The following MBD2 variants were observed in gnomAD, a reference collection of about 807,000 sequenced individuals.
The protein encoded by MBD2 is methyl-CpG binding domain protein 2.
Under a neutral mutation model 39.3 loss-of-function variants are expected in MBD2, and 9 were observed. The ratio of observed to expected loss-of-function variants is 0.23; its 90% confidence interval spans 0.14 to 0.40. MBD2 has a LOEUF of 0.40. MBD2 is among the 10% of genes least tolerant of loss of function. MBD2 has a pLI of 1.00. For missense variants in MBD2, 458 were observed against 532.6 expected, an observed-to-expected ratio of 0.86 and a Z score of 1.38; for synonymous variants, 233 against 211.1, an observed-to-expected ratio of 1.10 and a Z score of -0.90.
intron 3 of MBD2, among the ~76,000 whole-genome samples, chr18:54,183,449 A>T (rs1410505796): frequency 6.6e-6 from 1 of 152,200 alleles, no homozygotes; most frequent in East Asian, 1.9e-4. Flanking sequence ...AAGGGGATTC[A>T]GAAAAAAAAG....
At chr18:54,214,878 G>A (rs755652948) in intron 1 of MBD2, among the ~76,000 whole-genome samples, 4 of 151,546 alleles carry the variant, frequency 2.6e-5, no homozygotes, top group African/African-American at 7.3e-5. Context: ...TAGCTGGGAC[G>A]ACAGGCGCCC....
At chr18:54,200,304 G>T (rs1226613884) in intron 2 of MBD2, among the ~76,000 whole-genome samples, 1 of 152,192 alleles carries the variant, frequency 6.6e-6, no homozygotes, top group Non-Finnish European at 1.5e-5. Flanking sequence ...TATGTCATAT[G>T]TCACATTAAA....
chr18:54,197,674 G>A (rs1432324274), intron 2 of MBD2, among the ~76,000 whole-genome samples: 1 of 152,160 alleles, frequency 6.6e-6, no homozygotes, highest in East Asian at 1.9e-4. Context: ...AGCAAAACCA[G>A]TCAATCCTAT....
chr18:54,159,959 A>T, intron 5 of MBD2, 56 bp from the exon 6 acceptor site: 1 of 1,565,098 alleles, frequency 6.4e-7, no homozygotes, highest in Non-Finnish European at 8.7e-7. Context: ...TGACAATATG[A>T]ATCTGCTACA....
At chr18:54,223,921 C>A in intron 1 of MBD2, 97 bp downstream of exon 1, 2 of 1,023,970 alleles carry the variant, frequency 2.0e-6, no homozygotes. Context: ...CTGCCACATG[C>A]CCCCCGGGCC....
intron 1 of MBD2, among the ~76,000 whole-genome samples, chr18:54,211,712 CTT>C (rs2086509287): frequency 6.6e-6 from 1 of 152,206 alleles, no homozygotes; most frequent in Non-Finnish European, 1.5e-5. Flanking sequence ...TTGCTCGTCT[CTT>C]TGCATTCTAC....
At chr18:54,214,021 T>TA (rs1356023152) in intron 1 of MBD2, among the ~76,000 whole-genome samples, 2 of 150,138 alleles carry the variant, frequency 1.3e-5, no homozygotes, top group African/African-American at 2.4e-5. Flanking sequence ...TTTTTTTTTT[T>TA]AACAACAAAC....
intron 1 of MBD2, among the ~76,000 whole-genome samples, chr18:54,216,888 C>T (rs1311199418): frequency 6.6e-6 from 1 of 152,056 alleles, no homozygotes; most frequent in Non-Finnish European, 1.5e-5. Context: ...TTCAGGAGTT[C>T]GAGACCAGCC....
intron 5 of MBD2, 66 bp downstream of exon 5, chr18:54,164,457 T>C: frequency 1.4e-6 from 2 of 1,447,260 alleles, no homozygotes; most frequent in Admixed American, 1.7e-5. Flanking sequence ...CTGAACCTAA[T>C]GAACAGTAAA....
chr18:54,185,360 A>G (rs547662020), intron 3 of MBD2, among the ~76,000 whole-genome samples: 5 of 152,326 alleles, frequency 3.3e-5, no homozygotes, highest in South Asian at 2.1e-4. Context: ...ATTCTATAAG[A>G]AATGAAATTA....
At chr18:54,171,076 G>A (rs1001259852) in intron 3 of MBD2, among the ~76,000 whole-genome samples, 3 of 151,884 alleles carry the variant, frequency 2.0e-5, no homozygotes, top group African/African-American at 7.3e-5. Flanking sequence ...GCAGGTTCGA[G>A]TTATGAGAAA....
chr18:54,190,351 C>T lies in MBD2; in HGVS notation c.703-1340G>A, dbSNP rs147358319. Among the ~76,000 whole-genome samples the T allele has an allele frequency of 2.7e-3, 405 of 152,264 alleles. 2 individuals are homozygous for T. The highest frequency in any genetic ancestry group is 9.2e-3 in the African/African-American group (381 of 41,530). On this transcript the variant is annotated intron_variant, in intron 2 of 6. Transcript: ENST00000256429. Reference sequence around the variant, plus strand: ...TTCTCTGTGTACTCCTGTTTCCTCCCACATCCCAGTGATAAGTGCACTTTA... The same window carrying T: ...TTCTCTGTGTACTCCTGTTTCCTCCTACATCCCAGTGATAAGTGCACTTTA...
At chr18:54,192,250 T>C (rs1448281165) in intron 2 of MBD2, among the ~76,000 whole-genome samples, 1 of 152,230 alleles carries the variant, frequency 6.6e-6, no homozygotes, top group African/African-American at 2.4e-5. Flanking sequence ...GTTTTTGTTC[T>C]TGAGACGGAG....
rs1277677367 is a variant in MBD2, at chr18:54,155,155, A to G, written c.*169T>C. 1.3e-5 allele frequency: 2 copies of G among 152,546 alleles called. No homozygotes were observed. The highest frequency in any genetic ancestry group is 2.9e-5 in the Non-Finnish European group (2 of 68,038). The allele number at this position is 152,546 out of a possible 1,614,324, so 9.4% of individuals were successfully genotyped here. ...AAACATGATTTTTTGAATAATAGATATATACATCAAAAATACATCTAAAAA... is the reference window on the plus strand; with the variant it reads ...AAACATGATTTTTTGAATAATAGATGTATACATCAAAAATACATCTAAAAA... On this transcript the variant is annotated 3_prime_UTR_variant, in exon 7 of 7. Coordinates refer to ENST00000256429, the MANE Select transcript of MBD2 (RefSeq NM_003927.5).
intron 3 of MBD2, 149 bp from the exon 4 acceptor site, chr18:54,166,315 A>T: frequency 1.6e-6 from 1 of 614,762 alleles, no homozygotes; most frequent in East Asian, 2.8e-5. Flanking sequence ...TGATATTCCA[A>T]ACATGAATTA....
chr18:54,165,587 T>A (rs1233634562), intron 4 of MBD2, among the ~76,000 whole-genome samples: 1 of 152,208 alleles, frequency 6.6e-6, no homozygotes, highest in Non-Finnish European at 1.5e-5. Context: ...CAGATCCCAC[T>A]GGCTGCTGTT....
chr18:54,216,325 C>G (rs1451870834), intron 1 of MBD2, among the ~76,000 whole-genome samples: 1 of 152,060 alleles, frequency 6.6e-6, no homozygotes, highest in Non-Finnish European at 1.5e-5. Flanking sequence ...AACTGCAGCC[C>G]CTATAAGGGG....
At chr18:54,220,084 A>G (rs1348878216) in intron 1 of MBD2, among the ~76,000 whole-genome samples, 1 of 152,240 alleles carries the variant, frequency 6.6e-6, no homozygotes. Context: ...TACAGGCGTG[A>G]GCCACAGCGA....
chr18:54,212,228 A>G (rs544520203), intron 1 of MBD2, among the ~76,000 whole-genome samples: 101 of 152,174 alleles, frequency 6.6e-4, no homozygotes, highest in African/African-American at 2.3e-3. Context: ...GCATGATGCT[A>G]CCCCTAGTCT....
Sources: gnomAD v4.1 joint callset for allele counts (sites outside exome capture counted in the v4.1 genomes callset) on GRCh38, gnomAD v4.1.1 for gene constraint, MANE v1.5 for transcripts, NCBI Gene and HGNC (gene_info 2026-07-23, HGNC 2026-07-21) for gene names.